Variants in SYT13 observed in about 807,000 individuals in gnomAD.
The protein encoded by SYT13 is synaptotagmin 13.
SYT13 carries 21 observed loss-of-function variants against 38.6 expected under a neutral mutation model. That is an observed-to-expected ratio of 0.54 (90% CI 0.39 to 0.78). SYT13 has a LOEUF of 0.78. SYT13 is among the 30% of genes least tolerant of loss of function. The pLI is 0.00. For synonymous variants in SYT13, 241 were observed against 237.6 expected, an observed-to-expected ratio of 1.01 and a Z score of -0.13; for missense variants, 495 against 548.7, an observed-to-expected ratio of 0.90 and a Z score of 0.98.
At chr11:45,247,438 G>A (rs76957729) in intron 4 of SYT13, among the ~76,000 whole-genome samples, 1,790 of 152,302 alleles carry the variant, frequency 0.012, 19 homozygotes, top group Non-Finnish European at 0.019. Context: ...GGAGTGGGGA[G>A]TGGGAGTGGG....
rs1287525288 is a variant in SYT13 at position 45,243,523 on chromosome 11, A to G, written c.*529T>C. On this transcript the variant is annotated 3_prime_UTR_variant, in exon 6 of 6. Transcript: ENST00000020926. ...AGGAATACCGACTAGGAATGTCTCC[A>G]GGCGAGCCCAGGAATCTGCTGGTGA... The G allele has an allele frequency of 6.5e-6, 1 of 152,706 alleles. No individual in the cohort carries two copies. The highest frequency in any genetic ancestry group is 2.4e-5 in the African/African-American group (1 of 41,458). 9.5% of individuals were successfully genotyped at this position (152,706 alleles called of 1,614,324 possible). A position where few individuals can be genotyped will look rare whatever the true frequency, so the allele number is the denominator to read the frequency against.
intron 5 of SYT13, among the ~76,000 whole-genome samples, chr11:45,246,017 T>A (rs903758497): frequency 6.6e-6 from 1 of 152,150 alleles, no homozygotes; most frequent in Non-Finnish European, 1.5e-5. Context: ...GGCCAAGTTT[T>A]CCCGACAGCC....
intron 2 of SYT13, among the ~76,000 whole-genome samples, chr11:45,255,461 T>C (rs1161539834): frequency 6.6e-6 from 1 of 152,198 alleles, no homozygotes; most frequent in Admixed American, 6.5e-5. Context: ...AGTGGAAAGT[T>C]GGCGGTCTGG....
At chr11:45,244,385 C>A (rs774799198) in intron 5 of SYT13, 29 bp from the exon 6 acceptor site, 1 of 1,595,952 alleles carries the variant, frequency 6.3e-7, no homozygotes, top group Non-Finnish European at 8.5e-7. Flanking sequence ...GAAAAAGAGA[C>A]AGAGAGAAGG....
rs1168267820 is a variant in SYT13, at chr11:45,269,525, A to T, written c.184-13634T>A. ...ACAGATGCTCTGCAATGCACAACAC[A>T]AACTTTATTGTATTTAATCTTCACG... On this transcript the variant is annotated intron_variant, in intron 1 of 5. Transcript: ENST00000020926. 3 of 1,252,066 alleles carry T rather than the reference A, an allele frequency of 2.4e-6. No individual in the cohort carries two copies. In the East Asian group the frequency reaches 1.7e-4, roughly 71 times the overall value. The allele number at this position is 1,252,066 out of a possible 1,614,324, so 77.6% of individuals were successfully genotyped here.
intron 1 of SYT13, among the ~76,000 whole-genome samples, chr11:45,274,234 A>G (rs1854983454): frequency 6.6e-6 from 1 of 152,302 alleles, no homozygotes; most frequent in Middle Eastern, 3.4e-3. Flanking sequence ...CAAAAATCAA[A>G]TGCAAGGCTA....
intron 1 of SYT13, among the ~76,000 whole-genome samples, chr11:45,274,840 G>A (rs564382355): frequency 2.0e-5 from 3 of 152,240 alleles, no homozygotes; most frequent in Admixed American, 6.5e-5. Flanking sequence ...AGTCCAACCT[G>A]TGTGGTTTAT....
chr11:45,255,124 T>A (rs7110272), intron 2 of SYT13, among the ~76,000 whole-genome samples: 124,704 of 151,790 alleles, frequency 0.82, 52,013 homozygotes, highest in Non-Finnish European at 0.87. Flanking sequence ...TCAAAAAAAA[T>A]GTGCCTGGGA....
At chr11:45,267,324 TGCCCAG>T (rs1854895860) in intron 1 of SYT13, among the ~76,000 whole-genome samples, 1 of 152,210 alleles carries the variant, frequency 6.6e-6, no homozygotes, top group Admixed American at 6.5e-5. Context: ...CTAAGGCGGA[TGCCCAG>T]GACGCTGCCT....
At chr11:45,282,539 T>C (rs971214100) in intron 1 of SYT13, among the ~76,000 whole-genome samples, 1 of 152,228 alleles carries the variant, frequency 6.6e-6, no homozygotes, top group African/African-American at 2.4e-5. Context: ...GCTTCTTTAT[T>C]AATTCATTAA....
intron 1 of SYT13, among the ~76,000 whole-genome samples, chr11:45,275,387 T>A (rs1440127157): frequency 6.6e-6 from 1 of 152,184 alleles, no homozygotes; most frequent in East Asian, 1.9e-4. Context: ...TTTACGCTTG[T>A]TTTCATTCAT....
At chr11:45,275,168 T>C (rs1565395311) in intron 1 of SYT13, among the ~76,000 whole-genome samples, 1 of 152,190 alleles carries the variant, frequency 6.6e-6, no homozygotes, top group South Asian at 2.1e-4. Context: ...CATTCATCAA[T>C]GTATTCAGTC....
intron 1 of SYT13, among the ~76,000 whole-genome samples, chr11:45,259,903 C>T (rs575719509): frequency 6.6e-6 from 1 of 152,322 alleles, no homozygotes; most frequent in South Asian, 2.1e-4. Context: ...ATGGCAATGT[C>T]ATTAAGCTGC....
rs35172528 is a variant in SYT13 at position 45,281,195 on chromosome 11, C to CAA, written c.183+4828_183+4829dup. ...TGGATGACAGAGCAAGACTCTGTCT[C>CAA]AAAAAAAAAAAGAAAGAAAGAAATT... On this transcript the variant is annotated intron_variant, in intron 1 of 5. Coordinates refer to ENST00000020926, the MANE Select transcript of SYT13 (RefSeq NM_020826.3). Among the ~76,000 whole-genome samples, 166 of 143,874 alleles carry CAA rather than the reference C, an allele frequency of 1.2e-3. 2 individuals are homozygous for CAA. The highest frequency in any genetic ancestry group is 3.6e-3 in the Middle Eastern group (1 of 276). 94.4% of individuals were successfully genotyped at this position (143,874 alleles called of 152,430 possible). A position where few individuals can be genotyped will look rare whatever the true frequency, so the allele number is the denominator to read the frequency against.
At chr11:45,254,097 G>A (rs1854712544) in intron 3 of SYT13, 173 bp downstream of exon 3, 3 of 626,988 alleles carry the variant, frequency 4.8e-6, no homozygotes, top group Non-Finnish European at 7.2e-6. Flanking sequence ...TTGGACTGTT[G>A]GGGTTGGGAG....
chr11:45,246,395 G>A lies in SYT13; in HGVS notation c.964C>T (p.Leu322Phe), dbSNP rs769116133. The A allele has an allele frequency of 1.1e-5, 18 of 1,613,784 alleles. No homozygotes were observed. The highest frequency in any genetic ancestry group is 1.7e-4 in the Middle Eastern group (1 of 6,048). Residue 322 changes from leucine to phenylalanine, a missense_variant, in exon 5 of 6, where the codon CTC becomes TTC. Leu to Phe is a conservative substitution (Grantham distance 22). Transcript: ENST00000020926. ...KNLHSNQSKE[L>F]LGKDVSVKVT... Reference sequence around the variant, plus strand: ...ACATCTCACTCACCCTTCCCCAGGAGCTCCTTGGACTGGTTAGAGTGGAGG... The same window carrying A: ...ACATCTCACTCACCCTTCCCCAGGAACTCCTTGGACTGGTTAGAGTGGAGG...
intron 1 of SYT13, among the ~76,000 whole-genome samples, chr11:45,272,273 C>A (rs1347877020): frequency 6.6e-6 from 1 of 152,116 alleles, no homozygotes; most frequent in Non-Finnish European, 1.5e-5. Context: ...CAGCAAACCA[C>A]TGTGGCATGT....
intron 1 of SYT13, among the ~76,000 whole-genome samples, chr11:45,283,997 A>C (rs1306383098): frequency 3.3e-5 from 5 of 152,230 alleles, no homozygotes; most frequent in Admixed American, 3.3e-4. Flanking sequence ...GTTTTGTTTT[A>C]TGTGTCAGTA....
At position 45,244,041 on chromosome 11, in the gene SYT13, T is replaced by C. The variant is rs1854584299; in HGVS notation, c.*11A>G. ...AGGGCTGTCCAAGAAGGGAGGCAGC[T>C]GGGCAGCTGGTTACAGGTGCAGCTG... On this transcript the variant is annotated 3_prime_UTR_variant, in exon 6 of 6. Coordinates refer to ENST00000020926, the MANE Select transcript of SYT13 (RefSeq NM_020826.3). The C allele has an allele frequency of 8.2e-6, 13 of 1,584,216 alleles. No homozygotes were observed. Among genetic ancestry groups the C allele is most frequent in the Non-Finnish European group, 1.1e-5 (13 of 1,167,972 alleles).
Sources: allele counts gnomAD v4.1 joint callset (sites outside exome capture counted in the v4.1 genomes callset), GRCh38; gene constraint gnomAD v4.1.1; transcripts MANE v1.5; gene names NCBI Gene and HGNC (gene_info 2026-07-23, HGNC 2026-07-21).